DNAJC2: variants seen among roughly 807,000 people sequenced by gnomAD.
DNAJC2 encodes the protein DnaJ heat shock protein family (Hsp40) member C2, also known as dnaJ homolog subfamily C member 2.
Under a neutral mutation model 94.0 loss-of-function variants are expected in DNAJC2, and 32 were observed. That is an observed-to-expected ratio of 0.34 (90% CI 0.26 to 0.46). The LOEUF (loss-of-function observed/expected upper bound fraction) is 0.46, where lower values mean the gene tolerates loss of function less well. Among genes scored for constraint, DNAJC2 ranks in the 20% least tolerant of loss-of-function variants. DNAJC2 has a pLI of 1.00. For missense variants in DNAJC2, 550 were observed against 719.5 expected (o/e 0.76, Z 2.69); for synonymous variants, 210 against 229.7 (o/e 0.91, Z 0.77).
chr7:103,333,205 G>A (rs763197232), intron 3 of DNAJC2, among the ~76,000 whole-genome samples: 5 of 152,120 alleles, frequency 3.3e-5, no homozygotes, highest in Non-Finnish European at 5.9e-5. Flanking sequence ...TTGGGATACT[G>A]TCTTATTTAT....
chr7:103,325,201 T>G (rs536747884), intron 5 of DNAJC2, among the ~76,000 whole-genome samples: 3 of 152,308 alleles, frequency 2.0e-5, no homozygotes, highest in South Asian at 4.1e-4. Flanking sequence ...CCCAGCACTT[T>G]GGGAGGCCGA....
intron 12 of DNAJC2, chr7:103,317,279 A>G (rs1818123974): frequency 2.6e-6 from 1 of 380,238 alleles, no homozygotes. Context: ...AGCCTTGGAC[A>G]CTAATTGACA....
chr7:103,319,319 C>A (rs541612444), intron 12 of DNAJC2, among the ~76,000 whole-genome samples: 2 of 152,250 alleles, frequency 1.3e-5, no homozygotes, highest in African/African-American at 2.4e-5. Context: ...CGCCTATAAT[C>A]CCAGTTACTC....
chr7:103,333,567 T>C (rs1300441832), intron 3 of DNAJC2, among the ~76,000 whole-genome samples: 1 of 152,248 alleles, frequency 6.6e-6, no homozygotes, highest in Non-Finnish European at 1.5e-5. Flanking sequence ...CAGTGAGTTC[T>C]GACAATCATA....
intron 3 of DNAJC2, among the ~76,000 whole-genome samples, chr7:103,333,379 T>C (rs1404678288): frequency 6.6e-6 from 1 of 152,228 alleles, no homozygotes; most frequent in Non-Finnish European, 1.5e-5. Flanking sequence ...AAAGCAGTAA[T>C]CTTACTTTTG....
At position 103,326,699 on chromosome 7, in the gene DNAJC2, G is replaced by T; in HGVS notation, c.431-15C>A. The stretch of plus-strand genomic sequence containing the variant: ...CATTTCATAAGCTGAGAAAAAAATT[G>T]TTAAGATCACATCACCATAACTTTA... On this transcript the variant is annotated splice_polypyrimidine_tract_variant and intron_variant, in intron 4 of 16. Coordinates refer to ENST00000379263, the MANE Select transcript of DNAJC2 (RefSeq NM_014377.3). The T allele has an allele frequency of 1.3e-6, 2 of 1,596,652 alleles. No homozygotes were observed. Among genetic ancestry groups the T allele is most frequent in the Non-Finnish European group, 1.7e-6 (2 of 1,174,434 alleles).
intron 5 of DNAJC2, among the ~76,000 whole-genome samples, chr7:103,326,166 CAG>C (rs1818694961): frequency 1.3e-5 from 2 of 151,910 alleles, no homozygotes; most frequent in Non-Finnish European, 2.9e-5. Flanking sequence ...TTAGTAGAGA[CAG>C]GGTTTCACCA....
chr7:103,322,606 T>A lies in DNAJC2; in HGVS notation c.838A>T (p.Ile280Leu). Residue 280 changes from isoleucine to leucine, a missense_variant, in exon 9 of 17, where the codon ATA becomes TTA. Ile to Leu is a conservative substitution (Grantham distance 5). This residue lies in a region of DNAJC2 where 279 missense variants were observed against 416.9 expected (regional missense o/e 0.67). Coordinates refer to ENST00000379263, the MANE Select transcript of DNAJC2 (RefSeq NM_014377.3). ...TTTTCTTCTTCCTTGAACTTTTTTA[T>A]CCTTGGATCACAGCTGTATGCATTG... ...VDNAYSCDPR[I>L]KKFKEEEKAK... 1 of 1,612,756 alleles carries A rather than the reference T, an allele frequency of 6.2e-7. No homozygotes were observed. The highest frequency in any genetic ancestry group is 8.5e-7 in the Non-Finnish European group (1 of 1,179,500).
chr7:103,312,405 A>G lies in DNAJC2; in HGVS notation c.*164T>C, dbSNP rs915077674. The G allele has an allele frequency of 7.3e-6, 11 of 1,510,774 alleles. No individual in the cohort carries two copies. The East Asian group carries it at 2.4e-4, about 33-fold the overall frequency. 93.6% of individuals were successfully genotyped at this position (1,510,774 alleles called of 1,614,324 possible). ...CATACTTTCAAAGGATAAAAAGACT[A>G]CCCCTCTGAAGGTTGTTTTGTATTA... On this transcript the variant is annotated 3_prime_UTR_variant, in exon 17 of 17. Transcript: ENST00000379263.
intron 10 of DNAJC2, among the ~76,000 whole-genome samples, chr7:103,320,064 A>G (rs572924802): frequency 5.9e-5 from 9 of 152,196 alleles, no homozygotes; most frequent in Admixed American, 5.9e-4. Flanking sequence ...CTGAACAGGT[A>G]TAATTTTATC....
At chr7:103,316,789 C>G (rs775953498) in intron 13 of DNAJC2, 41 bp downstream of exon 13, 7 of 1,531,928 alleles carry the variant, frequency 4.6e-6, no homozygotes, top group Non-Finnish European at 6.3e-6. Flanking sequence ...TATCTCCAGG[C>G]TCCAGTGTGA....
intron 2 of DNAJC2, among the ~76,000 whole-genome samples, chr7:103,339,796 A>G (rs1410992840): frequency 1.3e-5 from 2 of 151,260 alleles, no homozygotes; most frequent in Admixed American, 1.3e-4. Context: ...TTTTCATGTT[A>G]TGTGATTGAC....
In DNAJC2 at chr7:103,319,494, CATAAAG is replaced by C. The variant is rs1361956663; in HGVS notation, c.1242+109_1242+114del. On this transcript the variant is annotated intron_variant, in intron 12 of 16. Coordinates refer to ENST00000379263, the MANE Select transcript of DNAJC2 (RefSeq NM_014377.3). Reference sequence around the variant, plus strand: ...ACAACAACAACAAAACAGTGGGAAACATAAAGAGAAATCAGATACTCCCTGCACTTG... The same window carrying C: ...ACAACAACAACAAAACAGTGGGAAACAGAAATCAGATACTCCCTGCACTTG... 4 of 1,033,936 alleles carry C rather than the reference CATAAAG, an allele frequency of 3.9e-6. No homozygotes were observed. The African/African-American group carries it at 6.5e-5, about 17-fold the overall frequency. The allele number at this position is 1,033,936 out of a possible 1,614,324, so 64.0% of individuals were successfully genotyped here.
intron 12 of DNAJC2, 96 bp from the exon 13 acceptor site, chr7:103,317,110 T>G: frequency 9.2e-7 from 1 of 1,088,186 alleles, no homozygotes; most frequent in South Asian, 1.5e-5. Context: ...CAACTCTCAA[T>G]GTCATTCTCA....
Position 103,327,652 on chromosome 7 carries a change from T to G in DNAJC2, c.430+4A>C, listed in dbSNP as rs749583176. The G allele has an allele frequency of 1.3e-6, 2 of 1,565,922 alleles. No individual in the cohort carries two copies. The highest frequency in any genetic ancestry group is 1.4e-5 in the African/African-American group (1 of 73,406). On this transcript the variant is annotated splice_donor_region_variant and intron_variant, in intron 4 of 16. Transcript: ENST00000379263. ...AAATTCCTGACTCTAAAGCATTTTC[T>G]TACCTTTAGTTATGCAAGTGAAGTA...
rs868311792 is a variant in DNAJC2, at chr7:103,315,722, T to A, written c.1636+42A>T. The A allele has an allele frequency of 3.7e-6, 5 of 1,353,652 alleles. No homozygotes were observed. The Middle Eastern group carries it at 7.2e-4, about 194-fold the overall frequency. The allele number at this position is 1,353,652 out of a possible 1,614,324, so 83.9% of individuals were successfully genotyped here. A position where few individuals can be genotyped will look rare whatever the true frequency, so the allele number is the denominator to read the frequency against. ...GTCTTGTACGTCCAAGCAGCACAGA[T>A]ACATGGCTAGCATTTTCTACGTTTA... On this transcript the variant is annotated intron_variant, in intron 15 of 16. Coordinates refer to ENST00000379263, the MANE Select transcript of DNAJC2 (RefSeq NM_014377.3).
intron 12 of DNAJC2, among the ~76,000 whole-genome samples, chr7:103,317,860 AG>A (rs1346406740): frequency 6.6e-6 from 1 of 152,186 alleles, no homozygotes; most frequent in Non-Finnish European, 1.5e-5. Context: ...CATGTTGGCC[AG>A]GCTAGTCTCA....
rs574394532 is a variant in DNAJC2 at position 103,325,391 on chromosome 7, T to A, written c.573-829A>T. On this transcript the variant is annotated intron_variant, in intron 5 of 16. Transcript: ENST00000379263. ...GGCAGAGGTTGCGGTGAGCCGAGAT[T>A]GTGCCACTGCACTCCAGCCTTGGCA... Among the ~76,000 whole-genome samples, 30 of 151,774 alleles carry A rather than the reference T, an allele frequency of 2.0e-4. No homozygotes were observed. In the South Asian group the frequency reaches 3.3e-3, roughly 17 times the overall value.
At chr7:103,336,875 T>C (rs2116029467) in intron 3 of DNAJC2, 2 of 152,360 alleles carry the variant, frequency 1.3e-5, no homozygotes, top group Middle Eastern at 3.4e-3. Context: ...ATGGGGACGA[T>C]TTTGAGTTCA....
Sources: allele counts gnomAD v4.1 joint callset (sites outside exome capture counted in the v4.1 genomes callset), GRCh38; gene constraint gnomAD v4.1.1; regional missense constraint gnomAD v4.1.1; transcripts MANE v1.5; gene names NCBI Gene and HGNC (gene_info 2026-07-23, HGNC 2026-07-21).